SH3RF3: variants seen among roughly 807,000 people sequenced by gnomAD.
SH3RF3 encodes the protein SH3 domain containing ring finger 3.
In SH3RF3, 29 loss-of-function variants were observed where a neutral mutation model predicts 66.3. The ratio of observed to expected loss-of-function variants is 0.44; its 90% CI spans 0.33 to 0.60. The LOEUF (loss-of-function observed/expected upper bound fraction) is 0.60. Among genes scored for constraint, SH3RF3 ranks in the 20% least tolerant of loss-of-function variants. The pLI is 0.04. For synonymous variants in SH3RF3, 583 were observed against 532.0 expected, an observed-to-expected ratio of 1.10 and a Z score of -1.32; for missense variants, 1,194 against 1,190.9, an observed-to-expected ratio of 1.00 and a Z score of -0.04.
At chr2:109,324,890 C>A (rs1185180817) in intron 1 of SH3RF3, among the ~76,000 whole-genome samples, 1 of 152,194 alleles carries the variant, frequency 6.6e-6, no homozygotes, top group Non-Finnish European at 1.5e-5. Context: ...CTGGAAGGAA[C>A]GGTGGAGCTG....
In SH3RF3 at chr2:109,432,637, G is replaced by T; in HGVS notation, c.1540G>T (p.Val514Leu). Residue 514 changes from valine (V) to leucine (L), a missense_variant, in exon 6 of 10, where the codon GTG becomes TTG. By Grantham distance (32) the Val-to-Leu change is conservative (BLOSUM62 1). Transcript: ENST00000309415. Reference sequence around the variant, plus strand: ...GTCTCTGAGGACCGGGGTCTCTGGGGTGTTCCCCGGAAACTACGTGACACC... The same window carrying T: ...GTCTCTGAGGACCGGGGTCTCTGGGTTGTTCCCCGGAAACTACGTGACACC... The part of the protein sequence containing the change: ...GASLRTGVSG[V>L]FPGNYVTPVS... 6.2e-7 allele frequency: 1 copy of T among 1,612,906 alleles called. No individual in the cohort carries two copies. Among genetic ancestry groups the T allele is most frequent in the Non-Finnish European group, 8.5e-7 (1 of 1,179,518 alleles).
At chr2:109,202,224 G>T (rs116538857) in intron 1 of SH3RF3, among the ~76,000 whole-genome samples, 1 of 152,304 alleles carries the variant, frequency 6.6e-6, no homozygotes, top group South Asian at 2.1e-4. Context: ...CCTGTGGACT[G>T]CAGAGTGAGG....
intron 6 of SH3RF3, among the ~76,000 whole-genome samples, chr2:109,433,124 C>G (rs1028162114): frequency 5.3e-5 from 8 of 152,198 alleles, no homozygotes; most frequent in African/African-American, 1.9e-4. Flanking sequence ...CGTGCGTATG[C>G]ATACTGTAAG....
At chr2:109,203,857 C>G (rs13382926) in intron 1 of SH3RF3, among the ~76,000 whole-genome samples, 8,920 of 152,252 alleles carry the variant, frequency 0.059, 829 homozygotes, top group African/African-American at 0.2. Flanking sequence ...TCGCTACCTA[C>G]CCCTGGGCCC....
At chr2:109,338,922 A>ATAGT (rs1559031391) in intron 1 of SH3RF3, among the ~76,000 whole-genome samples, 5 of 107,026 alleles carry the variant, frequency 4.7e-5, no homozygotes, top group Non-Finnish European at 9.0e-5. Context: ...GATAACACAA[A>ATAGT]CAGTTGATCA....
intron 1 of SH3RF3, among the ~76,000 whole-genome samples, chr2:109,321,555 C>T (rs1165458529): frequency 6.6e-6 from 1 of 152,200 alleles, no homozygotes; most frequent in East Asian, 1.9e-4. Context: ...CAAACATTCT[C>T]CAATAACTGG....
chr2:109,235,310 C>CT (rs1679620867), intron 1 of SH3RF3, among the ~76,000 whole-genome samples: 1 of 152,194 alleles, frequency 6.6e-6, no homozygotes, highest in Non-Finnish European at 1.5e-5. Context: ...TCCCCTCCCC[C>CT]TTCCTACCTC....
chr2:109,405,246 T>C (rs1019460894), intron 4 of SH3RF3, among the ~76,000 whole-genome samples: 4 of 152,270 alleles, frequency 2.6e-5, no homozygotes, highest in South Asian at 2.1e-4. Context: ...CACCCCTCTT[T>C]CCGCAAACCT....
At chr2:109,269,125 G>A (rs1680571158) in intron 1 of SH3RF3, among the ~76,000 whole-genome samples, 1 of 152,196 alleles carries the variant, frequency 6.6e-6, no homozygotes, top group Non-Finnish European at 1.5e-5. Flanking sequence ...TGTGCTGAGT[G>A]GCATTGGAAG....
At chr2:109,375,780 G>A (rs572261841) in intron 3 of SH3RF3, among the ~76,000 whole-genome samples, 7 of 152,344 alleles carry the variant, frequency 4.6e-5, no homozygotes, top group Non-Finnish European at 1.0e-4. Context: ...GACCTGCTTG[G>A]GGTCAGGCCT....
chr2:109,347,261 C>T (rs149179117), intron 1 of SH3RF3, among the ~76,000 whole-genome samples: 11 of 152,266 alleles, frequency 7.2e-5, no homozygotes, highest in African/African-American at 2.4e-4. Context: ...TAAGAAATTC[C>T]GAGCCCAGAC....
rs1306788558 is a variant in SH3RF3, at chr2:109,356,980, T to C, written c.849+9031T>C. ...CCACTTCTGCAGCACAGATGTCCTGTAGAGACATGCTAGCACTGAATGCAA... is the reference window on the plus strand; with the variant it reads ...CCACTTCTGCAGCACAGATGTCCTGCAGAGACATGCTAGCACTGAATGCAA... On this transcript the variant is annotated intron_variant, in intron 2 of 9. Transcript: ENST00000309415. 2.6e-5 allele frequency among the ~76,000 whole-genome samples: 4 copies of C among 152,132 alleles called. No homozygotes were observed. In the East Asian group the frequency reaches 5.8e-4, roughly 22 times the overall value.
At chr2:109,372,838 CG>C (rs1683305063) in intron 3 of SH3RF3, among the ~76,000 whole-genome samples, 1 of 152,228 alleles carries the variant, frequency 6.6e-6, no homozygotes, top group Admixed American at 6.5e-5. Context: ...CGAAAGCCCA[CG>C]GGTGACACGG....
intron 1 of SH3RF3, among the ~76,000 whole-genome samples, chr2:109,265,098 C>T (rs958134917): frequency 1.3e-5 from 2 of 152,114 alleles, no homozygotes; most frequent in Non-Finnish European, 2.9e-5. Flanking sequence ...TTAGACTTTG[C>T]CCACTTGAGG....
intron 1 of SH3RF3, among the ~76,000 whole-genome samples, chr2:109,241,835 G>A (rs764235373): frequency 2.6e-5 from 4 of 151,024 alleles, no homozygotes; most frequent in Non-Finnish European, 4.4e-5. Flanking sequence ...GTGCGATCTC[G>A]GCTCACTGCA....
intron 2 of SH3RF3, among the ~76,000 whole-genome samples, chr2:109,368,382 G>A (rs1282041671): frequency 6.6e-6 from 1 of 152,018 alleles, no homozygotes; most frequent in African/African-American, 2.4e-5. Context: ...GGACATTCAA[G>A]TTTAATCCTT....
At chr2:109,154,722 T>C (rs1175758486) in intron 1 of SH3RF3, among the ~76,000 whole-genome samples, 3 of 152,172 alleles carry the variant, frequency 2.0e-5, no homozygotes, top group Non-Finnish European at 4.4e-5. Flanking sequence ...ACAAGGTCTG[T>C]GGGGGGTGAT....
In SH3RF3 at chr2:109,398,680, G is replaced by A. The variant is rs765272189; in HGVS notation, c.1036G>A (p.Gly346Ser). The change falls in exon 4 of 10, where the codon GGC becomes AGC. Residue 346 changes from glycine to serine, a missense_variant. Physicochemically the swap from Gly to Ser is moderately conservative, Grantham distance 56. Coordinates refer to ENST00000309415, the MANE Select transcript of SH3RF3 (RefSeq NM_001099289.3). ...SCNASLPSDS[G>S]AVASVAPSPT... ...CAATGCCTCCCTGCCCTCTGACTCCGGCGCTGTGGCCAGCGTGGCCCCAAG... is the reference window on the plus strand; with the variant it reads ...CAATGCCTCCCTGCCCTCTGACTCCAGCGCTGTGGCCAGCGTGGCCCCAAG... 19 of 1,609,646 alleles carry A rather than the reference G, an allele frequency of 1.2e-5. No individual in the cohort carries two copies. Among genetic ancestry groups the A allele is most frequent in the Admixed American group, 6.7e-5 (4 of 59,600 alleles).
At chr2:109,294,803 C>T (rs893006802) in intron 1 of SH3RF3, among the ~76,000 whole-genome samples, 1 of 152,140 alleles carries the variant, frequency 6.6e-6, no homozygotes, top group Non-Finnish European at 1.5e-5. Flanking sequence ...GAGGTACCGA[C>T]TCAGCCCAGG....
Sources: allele counts gnomAD v4.1 joint callset (sites outside exome capture counted in the v4.1 genomes callset), GRCh38; gene constraint gnomAD v4.1.1; transcripts MANE v1.5; gene names NCBI Gene and HGNC (gene_info 2026-07-23, HGNC 2026-07-21).